The following DLG2 variants were observed in gnomAD, a reference collection of about 807,000 sequenced individuals.
DLG2 encodes disks large homolog 2.
In DLG2, 45 loss-of-function variants were observed where a neutral mutation model predicts 132.5. The ratio of observed to expected loss-of-function variants is 0.34; its 90% confidence interval spans 0.27 to 0.44. The LOEUF is 0.44. Ranked by LOEUF, DLG2 falls within the 20% of genes least tolerant of loss-of-function variation. DLG2 has a pLI of 1.00. For synonymous variants in DLG2, 424 were observed against 419.6 expected (o/e 1.01, Z -0.13); for missense variants, 1,045 against 1,196.9 (o/e 0.87, Z 1.87).
intron 3 of DLG2, among the ~76,000 whole-genome samples, chr11:85,363,403 AAAAC>A (rs1253913816): frequency 2.6e-5 from 4 of 152,242 alleles, no homozygotes; most frequent in Admixed American, 6.5e-5. Flanking sequence ...GAGTTTTTGA[AAAAC>A]AAACAAGTCT....
At chr11:84,267,943 T>C (rs2097664520) in intron 7 of DLG2, among the ~76,000 whole-genome samples, 1 of 152,222 alleles carries the variant, frequency 6.6e-6, no homozygotes, top group Admixed American at 6.5e-5. Flanking sequence ...GTCTGTGGGC[T>C]TGAATTATTT....
At chr11:84,953,674 T>G (rs2051248171) in intron 6 of DLG2, among the ~76,000 whole-genome samples, 1 of 152,222 alleles carries the variant, frequency 6.6e-6, no homozygotes. Flanking sequence ...TATGGTATTC[T>G]TCTTTTAATC....
At position 84,602,427 on chromosome 11, in the gene DLG2, G is replaced by A. The variant is rs539226985; in HGVS notation, c.358-67696C>T. Among the ~76,000 whole-genome samples, 26 of 151,918 alleles carry A rather than the reference G, an allele frequency of 1.7e-4. 1 individual carries two copies. In the South Asian group the frequency reaches 5.4e-3, roughly 32 times the overall value. ...TTATATTAAATAATGAAAACTTTGT[G>A]ATATTAAACAATTCACTCAATCTTT... On this transcript the variant is annotated intron_variant, in intron 6 of 27. Coordinates refer to ENST00000376104, the MANE Select transcript of DLG2 (RefSeq NM_001142699.3).
At chr11:84,053,167 G>A (rs1275109031) in intron 11 of DLG2, among the ~76,000 whole-genome samples, 1 of 152,060 alleles carries the variant, frequency 6.6e-6, no homozygotes, top group East Asian at 1.9e-4. Flanking sequence ...TGCAGGAACA[G>A]AAAGCCAGAT....
At chr11:84,890,488 G>A (rs1360519154) in intron 6 of DLG2, among the ~76,000 whole-genome samples, 1 of 152,116 alleles carries the variant, frequency 6.6e-6, no homozygotes, top group African/African-American at 2.4e-5. Context: ...GTACCTATCT[G>A]ATATGTTCTC....
At chr11:83,987,238 G>T (rs1172139872) in intron 11 of DLG2, among the ~76,000 whole-genome samples, 1 of 152,006 alleles carries the variant, frequency 6.6e-6, no homozygotes, top group African/African-American at 2.4e-5. Flanking sequence ...TCATGGGTAG[G>T]AAGAATCAAT....
chr11:84,178,114 C>G (rs946102961), intron 8 of DLG2, among the ~76,000 whole-genome samples: 2 of 152,048 alleles, frequency 1.3e-5, no homozygotes, highest in African/African-American at 4.8e-5. Flanking sequence ...TCTGTGGGTA[C>G]AGTAGTTCTA....
chr11:84,191,785 G>A (rs2096412559), intron 8 of DLG2, among the ~76,000 whole-genome samples: 1 of 152,170 alleles, frequency 6.6e-6, no homozygotes, highest in Admixed American at 6.5e-5. Context: ...GCCACAAAGT[G>A]GGTAGAGAAA....
intron 17 of DLG2, among the ~76,000 whole-genome samples, chr11:83,832,947 G>A (rs764349696): frequency 6.6e-6 from 1 of 152,102 alleles, no homozygotes; most frequent in Admixed American, 6.6e-5. Context: ...AGTGTTTAGA[G>A]TATGGTTATG....
intron 2 of DLG2, among the ~76,000 whole-genome samples, chr11:85,622,928 C>T (rs998302986): frequency 6.6e-6 from 1 of 151,798 alleles, no homozygotes; most frequent in Admixed American, 6.6e-5. Context: ...TGTGGTGGCA[C>T]GCACCTGTAA....
At chr11:83,748,062 T>G (rs2093043414) in intron 18 of DLG2, among the ~76,000 whole-genome samples, 1 of 152,228 alleles carries the variant, frequency 6.6e-6, no homozygotes, top group African/African-American at 2.4e-5. Context: ...GCAATCTGGC[T>G]TGAGAATCCC....
intron 12 of DLG2, among the ~76,000 whole-genome samples, chr11:83,974,975 G>A (rs532738217): frequency 1.1e-4 from 17 of 152,050 alleles, no homozygotes; most frequent in Admixed American, 2.6e-4. Context: ...TTCAAATGTC[G>A]AGCAGGGGTT....
intron 7 of DLG2, among the ~76,000 whole-genome samples, chr11:84,455,699 C>T (rs1243620145): frequency 6.6e-6 from 1 of 151,336 alleles, no homozygotes; most frequent in Non-Finnish European, 1.5e-5. Flanking sequence ...TTTTATTCTA[C>T]TTTTCATTGG....
intron 6 of DLG2, among the ~76,000 whole-genome samples, chr11:84,959,444 T>C (rs139021379): frequency 6.6e-6 from 1 of 152,170 alleles, no homozygotes; most frequent in South Asian, 2.1e-4. Context: ...GCATCTACAG[T>C]ACTTGGCAAA....
intron 6 of DLG2, among the ~76,000 whole-genome samples, chr11:84,734,917 T>G (rs1776123530): frequency 6.6e-6 from 1 of 152,180 alleles, no homozygotes; most frequent in Admixed American, 6.5e-5. Context: ...TGTCTTTGGT[T>G]CTGTTTATAT....
intron 8 of DLG2, among the ~76,000 whole-genome samples, chr11:84,198,134 C>T (rs1344911369): frequency 1.3e-5 from 2 of 151,902 alleles, no homozygotes; most frequent in Non-Finnish European, 2.9e-5. Context: ...CTAATTTAAG[C>T]TTCACAGCCA....
At chr11:84,538,081 C>G (rs1390344180) in intron 6 of DLG2, among the ~76,000 whole-genome samples, 3 of 152,192 alleles carry the variant, frequency 2.0e-5, no homozygotes, top group African/African-American at 7.2e-5. Flanking sequence ...CCATAAATTA[C>G]TGAGTTATAC....
intron 6 of DLG2, among the ~76,000 whole-genome samples, chr11:84,900,123 A>C (rs1323880021): frequency 6.6e-6 from 1 of 152,064 alleles, no homozygotes; most frequent in African/African-American, 2.4e-5. Flanking sequence ...TTGTAGGACA[A>C]ATAGATTTGA....
chr11:83,682,242 C>A (rs2078953950), intron 18 of DLG2: 1 of 985,272 alleles, frequency 1.0e-6, no homozygotes, highest in African/African-American at 1.7e-5. Context: ...CCAGGTTCTC[C>A]TGTCTGCTGT....
Sources: gnomAD v4.1 joint callset for allele counts (sites outside exome capture counted in the v4.1 genomes callset) on GRCh38, gnomAD v4.1.1 for gene constraint, MANE v1.5 for transcripts, NCBI Gene and HGNC (gene_info 2026-07-23, HGNC 2026-07-21) for gene names.